The following SARM1 variants were observed in gnomAD, a reference collection of about 807,000 sequenced individuals.
SARM1 encodes the protein NAD(+) hydrolase SARM1.
A neutral mutation model predicts 65.1 loss-of-function variants in SARM1; 60 were observed. That is an observed-to-expected ratio of 0.92 (90% CI 0.75 to 1.14). The LOEUF (loss-of-function observed/expected upper bound fraction) is 1.14. Ranked by LOEUF, SARM1 falls within the 50% of genes most tolerant of loss-of-function variation. SARM1 has a pLI of 0.00. For synonymous variants in SARM1, 417 were observed against 465.4 expected (o/e 0.90, Z 1.34); for missense variants, 913 against 1,015.7 (o/e 0.90, Z 1.37).
At chr17:28,381,851 A>G in intron 2 of SARM1, 30 bp downstream of exon 2, 1 of 1,407,462 alleles carries the variant, frequency 7.1e-7, no homozygotes, top group Non-Finnish European at 9.2e-7. Flanking sequence ...TGGGTGGATC[A>G]GGGGTTAGAG....
rs1555586384 is a variant in SARM1 at position 28,388,344 on chromosome 17, T to C, written c.1734-6T>C. 1.2e-6 allele frequency: 2 copies of C among 1,613,714 alleles called. No homozygotes were observed. Among genetic ancestry groups the C allele is most frequent in the African/African-American group, 2.7e-5 (2 of 75,034 alleles). On this transcript the variant is annotated splice_region_variant and splice_polypyrimidine_tract_variant and intron_variant, in intron 6 of 8. Transcript: ENST00000585482. ...GCTGTGGCACTGACACAGGACTTAC[T>C]TGCAGTCTCCTGAAGGTGCACCTGC...
At position 28,372,020 on chromosome 17, in the gene SARM1, C is replaced by A; in HGVS notation, c.-13C>A. ...GCCTCCAGGCCGGGGATGTCCCCCG[C>A]GGCCCCGCGCCCATGGTCCTGACGC... is the stretch of plus-strand genomic sequence containing the variant. On this transcript the variant is annotated 5_prime_UTR_variant, in exon 1 of 9. Transcript: ENST00000585482. This position sits in a 1 kb window ranked among gnomAD's most constrained non-coding sequence, Gnocchi z 5.2. The A allele has an allele frequency of 6.8e-7, 1 of 1,476,762 alleles. No individual in the cohort carries two copies. The allele number at this position is 1,476,762 out of a possible 1,614,324, so 91.5% of individuals were successfully genotyped here. A position where few individuals can be genotyped will look rare whatever the true frequency, so the allele number is the denominator to read the frequency against.
intron 1 of SARM1, among the ~76,000 whole-genome samples, chr17:28,376,403 C>CA (rs58695374): frequency 0.042 from 3,510 of 84,012 alleles, 136 homozygotes; most frequent in African/African-American, 0.048. Context: ...ACTAAAAATA[C>CA]AAAAAAAAAA....
At chr17:28,374,103 C>CT (rs1451055223) in intron 1 of SARM1, 2 of 73,488 alleles carry the variant, frequency 2.7e-5, no homozygotes, top group Admixed American at 1.5e-4. Flanking sequence ...CCTGTCTCTA[C>CT]TAAAAAAAAA....
intron 1 of SARM1, among the ~76,000 whole-genome samples, chr17:28,374,986 A>C (rs1243833614): frequency 1.3e-5 from 2 of 151,718 alleles, no homozygotes; most frequent in African/African-American, 2.4e-5. Context: ...AAAAAAAAAA[A>C]AAAAAAAAAC....
rs1555585220 is a variant in SARM1 at position 28,381,412 on chromosome 17, C to T, written c.680C>T (p.Ala227Val). The T allele has an allele frequency of 6.5e-7, 1 of 1,546,732 alleles. No individual in the cohort carries two copies. Among genetic ancestry groups the T allele is most frequent in the Non-Finnish European group, 8.7e-7 (1 of 1,146,104 alleles). ...GACCCCGCGCTGCTGCGCCACTGCG[C>T]GCTGGCGCTGGGCAACTGCGCGCTG... ...RTDPALLRHC[A>V]LALGNCALHG... is the part of the protein sequence containing the mutation. Residue 227 changes from alanine (A) to valine (V), a missense_variant, in exon 2 of 9, where the codon GCG becomes GTG. Ala to Val is a moderately conservative substitution (Grantham distance 64). Around this residue, in one of 3 missense-constraint regions of SARM1, gnomAD observed 862 missense variants for 952.1 expected, o/e 0.91. Coordinates refer to ENST00000585482, the MANE Select transcript of SARM1 (RefSeq NM_015077.4).
intron 5 of SARM1, among the ~76,000 whole-genome samples, chr17:28,387,287 C>T (rs183390318): frequency 3.3e-5 from 5 of 149,670 alleles, no homozygotes; most frequent in African/African-American, 1.2e-4. Flanking sequence ...GGCTAGAGTG[C>T]GGTGGTGCAT....
intron 5 of SARM1, among the ~76,000 whole-genome samples, chr17:28,387,302 G>A (rs1555586157): frequency 6.7e-6 from 1 of 149,918 alleles, no homozygotes; most frequent in Non-Finnish European, 1.5e-5. Flanking sequence ...GTGCATTCTT[G>A]GCTCACTGCA....
Position 28,385,509 on chromosome 17 carries a change from C to T in SARM1, c.1630+234C>T. ...GGAAGGAGGCTATTAAACAGGCAAG[C>T]GGCCCCGGCAGGAAGCTACCCAGGT... is the stretch of plus-strand genomic sequence containing the variant. On this transcript the variant is annotated intron_variant, in intron 5 of 8. Transcript: ENST00000585482. This position sits in a 1 kb window ranked among gnomAD's most constrained non-coding sequence, Gnocchi z 4.5. The T allele has an allele frequency of 3.7e-6, 2 of 544,234 alleles. No individual in the cohort carries two copies. Among genetic ancestry groups the T allele is most frequent in the East Asian group, 3.2e-5 (1 of 31,558 alleles). The allele number at this position is 544,234 out of a possible 1,614,324, so 33.7% of individuals were successfully genotyped here.
rs782500985 is a variant in SARM1 at position 28,399,610 on chromosome 17, G to A, written c.*3324G>A. 4 of 1,602,326 alleles carry A rather than the reference G, an allele frequency of 2.5e-6. No homozygotes were observed. Among genetic ancestry groups the A allele is most frequent in the Non-Finnish European group, 3.4e-6 (4 of 1,169,562 alleles). ...CCAGCTGCAGACCTCCAGTTGCTTG[G>A]TGTTCACTTTGCTCCTCTTGCCCTC... On this transcript the variant is annotated 3_prime_UTR_variant, in exon 9 of 9. Transcript: ENST00000585482.
At chr17:28,394,497 G>A (rs141045827) in intron 7 of SARM1, among the ~76,000 whole-genome samples, 3 of 152,304 alleles carry the variant, frequency 2.0e-5, no homozygotes, top group East Asian at 3.9e-4. Context: ...TGGGTATCCC[G>A]CAATTCAATT....
Position 28,400,358 on chromosome 17 carries a change from G to A in SARM1, c.*4072G>A, listed in dbSNP as rs1298123301. Reference sequence around the variant, plus strand: ...GGAATGGAGGGAAATAGGGGAACTGGGAGAGAGAACACAGCCTTGCCAAGC... The same window carrying A: ...GGAATGGAGGGAAATAGGGGAACTGAGAGAGAGAACACAGCCTTGCCAAGC... On this transcript the variant is annotated 3_prime_UTR_variant, in exon 9 of 9. Coordinates refer to ENST00000585482, the MANE Select transcript of SARM1 (RefSeq NM_015077.4). The A allele has an allele frequency of 2.2e-5, 11 of 497,754 alleles. No individual in the cohort carries two copies. Among genetic ancestry groups the A allele is most frequent in the African/African-American group, 3.9e-5 (2 of 51,656 alleles). 30.8% of individuals were successfully genotyped at this position (497,754 alleles called of 1,614,324 possible). A position where few individuals can be genotyped will look rare whatever the true frequency, so the allele number is the denominator to read the frequency against.
chr17:28,383,551 G>A (rs34660379), intron 2 of SARM1, among the ~76,000 whole-genome samples: 17,514 of 152,154 alleles, frequency 0.12, 1,214 homozygotes, highest in Middle Eastern at 0.16. Context: ...AGGAAGTAGG[G>A]AGTGAGGACC....
At position 28,402,524 on chromosome 17, in the gene SARM1, A is replaced by C; in HGVS notation, c.*6238A>C. 7 of 504,326 alleles carry C rather than the reference A, an allele frequency of 1.4e-5. No individual in the cohort carries two copies. Among genetic ancestry groups the C allele is most frequent in the East Asian group, 3.2e-5 (1 of 30,886 alleles). The allele number at this position is 504,326 out of a possible 1,614,324, so 31.2% of individuals were successfully genotyped here. A position where few individuals can be genotyped will look rare whatever the true frequency, so the allele number is the denominator to read the frequency against. On this transcript the variant is annotated 3_prime_UTR_variant, in exon 9 of 9. Transcript: ENST00000585482. ...TGGGCTTGGCCACCTGCTAGCTCTC[A>C]TGAATGAATGCTAATTCCCATTGAT... is the stretch of plus-strand genomic sequence containing the variant.
At position 28,381,657 on chromosome 17, in the gene SARM1, G is replaced by A. The variant is rs1555585311; in HGVS notation, c.925G>A (p.Ala309Thr). ...GGCCTCGCTGGACCCTGGCCGCTTC[G>A]CCCGCTGTCTGGTGGACGCCAGCGA... ...LVASLDPGRF[A>T]RCLVDASDTS... Residue 309 changes from alanine to threonine, a missense_variant, in exon 2 of 9, where the codon GCC (alanine) becomes ACC (threonine). Physicochemically the swap from Ala to Thr is moderately conservative, Grantham distance 58 (BLOSUM62 0). Transcript: ENST00000585482. 1.9e-6 allele frequency: 3 copies of A among 1,555,438 alleles called. No individual in the cohort carries two copies. The highest frequency in any genetic ancestry group is 2.6e-6 in the Non-Finnish European group (3 of 1,151,186).
chr17:28,394,376 G>T (rs947363971), intron 7 of SARM1, among the ~76,000 whole-genome samples: 1 of 152,304 alleles, frequency 6.6e-6, no homozygotes, highest in African/African-American at 2.4e-5. Flanking sequence ...AATTGGCAGG[G>T]CGCATGATGG....
chr17:28,394,116 T>C (rs1179943790), intron 7 of SARM1, among the ~76,000 whole-genome samples: 4 of 152,188 alleles, frequency 2.6e-5, no homozygotes, highest in Non-Finnish European at 5.9e-5. Flanking sequence ...ATGAAGGAGT[T>C]TGGACTTTAT....
At chr17:28,376,010 C>T (rs2067987420) in intron 1 of SARM1, among the ~76,000 whole-genome samples, 2 of 152,134 alleles carry the variant, frequency 1.3e-5, no homozygotes, top group Admixed American at 1.3e-4. Context: ...GGATTTGAAT[C>T]CAGACCTGTG....
intron 5 of SARM1, chr17:28,386,734 AT>A (rs1339920170): frequency 6.6e-6 from 1 of 152,114 alleles, no homozygotes; most frequent in African/African-American, 2.4e-5. Context: ...TCAAGATTTC[AT>A]TTTTATTATA....
Sources: allele counts gnomAD v4.1 joint callset (sites outside exome capture counted in the v4.1 genomes callset), GRCh38; gene constraint gnomAD v4.1.1; regional missense constraint gnomAD v4.1.1; non-coding constraint Gnocchi (gnomAD v3.1); transcripts MANE v1.5; gene names NCBI Gene and HGNC (gene_info 2026-07-23, HGNC 2026-07-21).